MPP7: variants seen among roughly 807,000 people sequenced by gnomAD.
MPP7 encodes MAGUK p55 subfamily member 7.
MPP7 carries 60 observed loss-of-function variants against 76.5 expected under a neutral mutation model. That is an observed-to-expected ratio of 0.78 (90% confidence interval 0.64 to 0.97). The LOEUF (loss-of-function observed/expected upper bound fraction) is 0.97. Ranked by LOEUF, MPP7 falls within the 50% of genes least tolerant of loss-of-function variation. MPP7 has a pLI of 0.00. For missense variants in MPP7, 641 were observed against 694.0 expected (o/e 0.92, Z 0.86); for synonymous variants, 237 against 244.5 (o/e 0.97, Z 0.29).
chr10:28,240,007 G>T (rs1839212827), intron 1 of MPP7, among the ~76,000 whole-genome samples: 2 of 151,950 alleles, frequency 1.3e-5, no homozygotes, highest in Admixed American at 1.3e-4. Context: ...AAAGAAAGTA[G>T]CAAGATTAAA....
intron 2 of MPP7, among the ~76,000 whole-genome samples, chr10:28,202,713 T>C (rs1054052601): frequency 5.3e-5 from 8 of 152,144 alleles, no homozygotes; most frequent in Non-Finnish European, 4.4e-5. Context: ...AGTGTCCAAA[T>C]AGTTCCTAAT....
chr10:28,331,206 AC>A (rs1389509433), intron 1 of MPP7, among the ~76,000 whole-genome samples: 6 of 152,258 alleles, frequency 3.9e-5, no homozygotes, highest in Non-Finnish European at 8.8e-5. Flanking sequence ...GTCCATTTAG[AC>A]TTTCTCTGGC....
At chr10:28,213,640 A>T (rs1380471324) in intron 2 of MPP7, among the ~76,000 whole-genome samples, 1 of 151,868 alleles carries the variant, frequency 6.6e-6, no homozygotes, top group Non-Finnish European at 1.5e-5. Flanking sequence ...AATACAAAAA[A>T]AATTAGCCAG....
chr10:28,273,680 CA>C (rs1283345421), intron 1 of MPP7, among the ~76,000 whole-genome samples: 1 of 152,220 alleles, frequency 6.6e-6, no homozygotes, highest in Non-Finnish European at 1.5e-5. Flanking sequence ...AGGACTATCA[CA>C]AAATGCAAAC....
chr10:28,055,128 T>C (rs915155685), intron 16 of MPP7, among the ~76,000 whole-genome samples: 3 of 152,212 alleles, frequency 2.0e-5, no homozygotes, highest in African/African-American at 4.8e-5. Context: ...CTTATCTTCG[T>C]TGAGAAACCT....
In MPP7 at chr10:28,058,541, G is replaced by C. The variant is rs1564609579; in HGVS notation, c.1361C>G (p.Ser454Cys). Residue 454 changes from serine to cysteine, a missense_variant, in exon 15 of 17, where the codon TCT becomes TGT. Transcript: ENST00000683449. ...YYGTSIDSVR[S>C]VLAKNKVCLL... ...ACAAACTTTGTTTTTAGCAAGGACA[G>C]ACCGAACTGAGTCTATACTTGTGCC... is the stretch of plus-strand genomic sequence containing the variant. The C allele has an allele frequency of 6.2e-7, 1 of 1,607,180 alleles. No homozygotes were observed.
Position 28,120,237 on chromosome 10 carries a change from T to C in MPP7, c.844A>G (p.Asn282Asp), listed in dbSNP as rs768742609. Reference protein sequence around the residue: ...WWQAKHEADANPRAGLIPSKH... With the variant: ...WWQAKHEADADPRAGLIPSKH... ...GAGGGGATCAAGCCTGCCCTGGGGT[T>C]GGCATCAGCTTCGTGTTTCGCTTGC... is the stretch of plus-strand genomic sequence containing the variant. Residue 282 changes from asparagine (N) to aspartate (D), a missense_variant, in exon 10 of 17, where the codon AAC becomes GAC. Physicochemically the swap from Asn to Asp is conservative, Grantham distance 23. Coordinates refer to ENST00000683449, the MANE Select transcript of MPP7 (RefSeq NM_001318170.2). The C allele has an allele frequency of 8.1e-6, 13 of 1,614,052 alleles. No homozygotes were observed. Among genetic ancestry groups the C allele is most frequent in the Middle Eastern group, 1.7e-4 (1 of 6,058 alleles).
chr10:28,130,391 G>A (rs1296053412), intron 6 of MPP7, among the ~76,000 whole-genome samples: 1 of 152,186 alleles, frequency 6.6e-6, no homozygotes, highest in Non-Finnish European at 1.5e-5. Flanking sequence ...AGGTCATCCA[G>A]TGCAAGCTCA....
chr10:28,120,917 G>A (rs966238965), intron 8 of MPP7, among the ~76,000 whole-genome samples: 3 of 152,174 alleles, frequency 2.0e-5, no homozygotes, highest in Non-Finnish European at 4.4e-5. Context: ...CTTTTAAGCT[G>A]TCAAGTAAAT....
At chr10:28,214,401 C>G (rs531072765) in intron 2 of MPP7, among the ~76,000 whole-genome samples, 3 of 152,216 alleles carry the variant, frequency 2.0e-5, no homozygotes, top group African/African-American at 7.2e-5. Flanking sequence ...ATGCTTACAT[C>G]AAAGTTTCAT....
chr10:28,140,662 A>T (rs933686367), intron 5 of MPP7, among the ~76,000 whole-genome samples: 1 of 152,238 alleles, frequency 6.6e-6, no homozygotes, highest in African/African-American at 2.4e-5. Context: ...TTGGATACAA[A>T]TCAACAGGAT....
intron 8 of MPP7, among the ~76,000 whole-genome samples, chr10:28,121,936 C>T (rs73606069): frequency 0.042 from 6,318 of 152,236 alleles, 268 homozygotes; most frequent in East Asian, 0.11. Context: ...AATGGTGCAT[C>T]ACACAGTCAG....
intron 1 of MPP7, among the ~76,000 whole-genome samples, chr10:28,257,221 A>G (rs980322368): frequency 6.6e-6 from 1 of 152,200 alleles, no homozygotes; most frequent in African/African-American, 2.4e-5. Flanking sequence ...GTTTCATGTC[A>G]TGACACGAAC....
At chr10:28,190,506 A>G (rs1169073577) in intron 3 of MPP7, among the ~76,000 whole-genome samples, 1 of 152,224 alleles carries the variant, frequency 6.6e-6, no homozygotes, top group East Asian at 1.9e-4. Context: ...TTAAACTAGA[A>G]ATCAGTAACA....
At chr10:28,306,612 C>T (rs748409790), upstream of MPP7, among the ~76,000 whole-genome samples, 2 of 151,112 alleles carry the variant, frequency 1.3e-5, no homozygotes, top group East Asian at 1.9e-4. Context: ...TTTGCCACTG[C>T]GTTCCAGCCT....
chr10:28,163,279 G>A (rs1302612769), intron 3 of MPP7, among the ~76,000 whole-genome samples: 1 of 152,110 alleles, frequency 6.6e-6, no homozygotes, highest in Non-Finnish European at 1.5e-5. Context: ...CCCAACTTAG[G>A]GACTTTGTAC....
At chr10:28,077,709 A>C (rs555472648) in intron 12 of MPP7, among the ~76,000 whole-genome samples, 1 of 152,370 alleles carries the variant, frequency 6.6e-6, no homozygotes, top group South Asian at 2.1e-4. Context: ...CCTTCGATAA[A>C]GAAATTTTTA....
chr10:28,324,893 C>A (rs1264362410), intron 2 of MPP7, among the ~76,000 whole-genome samples: 1 of 152,174 alleles, frequency 6.6e-6, no homozygotes, highest in Non-Finnish European at 1.5e-5. Flanking sequence ...GGTTAGTTGA[C>A]TTGCCTAAGT....
chr10:28,109,959 G>GT (rs1284184560), intron 11 of MPP7, among the ~76,000 whole-genome samples: 1 of 146,922 alleles, frequency 6.8e-6, no homozygotes, highest in African/African-American at 2.5e-5. Context: ...TTATATTTAA[G>GT]TTTAAAGTGA....
Sources: allele counts gnomAD v4.1 joint callset (sites outside exome capture counted in the v4.1 genomes callset), GRCh38; gene constraint gnomAD v4.1.1; transcripts MANE v1.5; gene names NCBI Gene and HGNC (gene_info 2026-07-23, HGNC 2026-07-21).